FTCD: variants seen among roughly 807,000 people sequenced by gnomAD.
FTCD encodes the protein formimidoyltransferase-cyclodeaminase.
Under a neutral mutation model 62.9 loss-of-function variants are expected in FTCD, and 76 were observed. The observed-to-expected ratio is 1.21, with a 90% CI of 1.00 to 1.46. FTCD has a LOEUF of 1.46. Ranked by LOEUF, FTCD falls within the 40% of genes most tolerant of loss-of-function variation. The probability of loss-of-function intolerance (pLI) is 0.00; values close to 1 mark genes in which losing one functional copy is unlikely to be tolerated. For synonymous variants in FTCD, 397 were observed against 336.9 expected (o/e 1.18, Z -1.95); for missense variants, 845 against 751.3 (o/e 1.12, Z -1.46).
intron 10 of FTCD, 175 bp from the exon 11 acceptor site, chr21:46,139,098 G>C (rs200317309): frequency 1.5e-6 from 1 of 656,708 alleles, no homozygotes; most frequent in Admixed American, 2.2e-5. Flanking sequence ...GCTTGGTGGA[G>C]GAGCAGGGTA....
chr21:46,147,182 G>C (rs2079166779), intron 7 of FTCD, among the ~76,000 whole-genome samples: 2 of 152,120 alleles, frequency 1.3e-5, no homozygotes, highest in South Asian at 4.1e-4. Context: ...GGTCCGACTG[G>C]AGACCCCTGG....
rs752057104 is a variant in FTCD, at chr21:46,137,352, A to T, written c.1444-18T>A. 6.3e-7 allele frequency: 1 copy of T among 1,592,926 alleles called. No homozygotes were observed. Among genetic ancestry groups the T allele is most frequent in the Non-Finnish European group, 8.6e-7 (1 of 1,161,938 alleles). ...GCCGCCACCTGCAAGGACCCCAGGG[A>T]GCCCCTACATGGATCAAGGCTGAGC... On this transcript the variant is annotated intron_variant, in intron 12 of 13. Coordinates refer to ENST00000397746, the MANE Select transcript of FTCD (RefSeq NM_206965.2).
At position 46,136,924 on chromosome 21, in the gene FTCD, A is replaced by G. The variant is rs751305551; in HGVS notation, c.*63T>C. 13 of 1,610,390 alleles carry G rather than the reference A, an allele frequency of 8.1e-6. No homozygotes were observed. The African/African-American group carries it at 1.5e-4, about 18-fold the overall frequency. ...CAAGCTGTGTCCCCACCGAGGTCACAGCTCTGCCCTCTGGGGATGGGCGAG... is the reference window on the plus strand; with the variant it reads ...CAAGCTGTGTCCCCACCGAGGTCACGGCTCTGCCCTCTGGGGATGGGCGAG... On this transcript the variant is annotated 3_prime_UTR_variant, in exon 14 of 14. Transcript: ENST00000397746.
rs1176926831 is a variant in FTCD, at chr21:46,145,831, G to A, written c.1085C>T (p.Ala362Val). ...CCCCGCGCTCACCATGGCCGCAGCG[G>A]CCGCCGCCACCGAGCCGCCCCCGGG... ...AAPGGGSVAA[A>V]AAAMGAALGS... The change falls in exon 9 of 14, where the codon GCC becomes GTC. Residue 362 changes from alanine (A) to valine (V), a missense_variant. Coordinates refer to ENST00000397746, the MANE Select transcript of FTCD (RefSeq NM_206965.2). 4 of 889,132 alleles carry A rather than the reference G, an allele frequency of 4.5e-6. No homozygotes were observed. The highest frequency in any genetic ancestry group is 3.0e-4 in the East Asian group (2 of 6,708). 55.1% of individuals were successfully genotyped at this position (889,132 alleles called of 1,614,324 possible).
rs557272880 is a variant in FTCD at position 46,141,509 on chromosome 21, C to T, written c.1261-2586G>A. On this transcript the variant is annotated intron_variant, in intron 10 of 13. Coordinates refer to ENST00000397746, the MANE Select transcript of FTCD (RefSeq NM_206965.2). Reference sequence around the variant, plus strand: ...CAAATGCCTGTCCGGGTCTAAAGTTCATCAACCCATTAAAGTATAGAAAAG... The same window carrying T: ...CAAATGCCTGTCCGGGTCTAAAGTTTATCAACCCATTAAAGTATAGAAAAG... Among the ~76,000 whole-genome samples the T allele has an allele frequency of 1.1e-3, 163 of 152,200 alleles. 1 individual carries two copies. The highest frequency in any genetic ancestry group is 3.7e-3 in the African/African-American group (154 of 41,520).
chr21:46,142,304 T>G (rs184443888), intron 10 of FTCD: 1 of 150,354 alleles, frequency 6.7e-6, no homozygotes, highest in African/African-American at 2.5e-5. Flanking sequence ...CGTCGGGAGC[T>G]GTTTCTTCCT....
intron 10 of FTCD, among the ~76,000 whole-genome samples, chr21:46,139,691 A>C (rs1434999493): frequency 6.6e-6 from 1 of 152,232 alleles, no homozygotes; most frequent in African/African-American, 2.4e-5. Context: ...TCCTTTGACC[A>C]TTCCGACAGC....
intron 7 of FTCD, among the ~76,000 whole-genome samples, chr21:46,147,377 G>T (rs1158215642): frequency 6.6e-6 from 1 of 152,114 alleles, no homozygotes. Flanking sequence ...TCACTCTTGT[G>T]TGGTTCCAGA....
intron 10 of FTCD, among the ~76,000 whole-genome samples, chr21:46,139,565 T>C (rs927957904): frequency 2.6e-5 from 4 of 152,200 alleles, no homozygotes; most frequent in African/African-American, 9.6e-5. Flanking sequence ...GTGGGGAATA[T>C]GCTCACTTCA....
At position 46,145,634 on chromosome 21, in the gene FTCD, C is replaced by T. The variant is rs971562351; in HGVS notation, c.1099-56G>A. ...GGACCCCAGACGGCCCGGGACCGAC[C>T]CCAGGAAGAGCCAGGGGCCCGGGTG... On this transcript the variant is annotated intron_variant, in intron 9 of 13. Coordinates refer to ENST00000397746, the MANE Select transcript of FTCD (RefSeq NM_206965.2). 26 of 1,417,390 alleles carry T rather than the reference C, an allele frequency of 1.8e-5. No homozygotes were observed. In the African/African-American group the frequency reaches 2.9e-4, roughly 16 times the overall value. 87.8% of individuals were successfully genotyped at this position (1,417,390 alleles called of 1,614,324 possible). A position where few individuals can be genotyped will look rare whatever the true frequency, so the allele number is the denominator to read the frequency against.
chr21:46,138,815 C>T (rs981784014), intron 11 of FTCD, 65 bp downstream of exon 11: 3 of 1,486,794 alleles, frequency 2.0e-6, no homozygotes, highest in Non-Finnish European at 2.8e-6. Context: ...CCCAGGTACT[C>T]GGGATCCTGG....
rs756372120 is a variant in FTCD, at chr21:46,138,500, C to G, written c.1443+8G>C. On this transcript the variant is annotated splice_region_variant and intron_variant, in intron 12 of 13. Transcript: ENST00000397746. Reference sequence around the variant, plus strand: ...GCAGGAGGCCTGGGGTCCCCCGGGCCCCCCTACCTGGAGGTCTGACCGGCA... The same window carrying G: ...GCAGGAGGCCTGGGGTCCCCCGGGCGCCCCTACCTGGAGGTCTGACCGGCA... 1.3e-6 allele frequency: 2 copies of G among 1,579,186 alleles called. No homozygotes were observed. Among genetic ancestry groups the G allele is most frequent in the South Asian group, 1.2e-5 (1 of 86,672 alleles).
At chr21:46,151,307 G>C (rs80106597) in intron 5 of FTCD, among the ~76,000 whole-genome samples, 2,004 of 152,336 alleles carry the variant, frequency 0.013, 39 homozygotes, top group African/African-American at 0.046. Flanking sequence ...TTAACAAAGG[G>C]AAGTCCTGCC....
Position 46,145,900 on chromosome 21 carries a change from G to T in FTCD, c.1016C>A (p.Ser339Tyr), listed in dbSNP as rs775567630. Reference protein sequence around the residue: ...RGPERGLGSKSLRAFVGEVGA... With the variant: ...RGPERGLGSKYLRAFVGEVGA... ...CACCTCCCCCACGAAGGCGCGCAGG[G>T]ACTTGCTGCCCAGGCCTCGCTCAGG... The change falls in exon 9 of 14, where the codon TCC becomes TAC. Residue 339 changes from serine to tyrosine, a missense_variant. Coordinates refer to ENST00000397746, the MANE Select transcript of FTCD (RefSeq NM_206965.2). The T allele has an allele frequency of 1.1e-4, 170 of 1,495,228 alleles. No individual in the cohort carries two copies. Among genetic ancestry groups the T allele is most frequent in the Non-Finnish European group, 1.2e-4 (132 of 1,130,008 alleles). 92.6% of individuals were successfully genotyped at this position (1,495,228 alleles called of 1,614,324 possible).
intron 1 of FTCD, among the ~76,000 whole-genome samples, chr21:46,154,836 A>T (rs1366012193): frequency 6.6e-6 from 1 of 152,210 alleles, no homozygotes; most frequent in Non-Finnish European, 1.5e-5. Context: ...TCCCGGCATG[A>T]CGAGGCCTCC....
In FTCD at chr21:46,138,629, T is replaced by C. The variant is rs1209042334; in HGVS notation, c.1322A>G (p.Gln441Arg). The C allele has an allele frequency of 6.9e-6, 11 of 1,594,696 alleles. No homozygotes were observed. The highest frequency in any genetic ancestry group is 2.2e-5 in the East Asian group (1 of 44,706). ...EEKDRRTAAL[Q>R]EGLRRAVSVP... is the part of the protein sequence containing the mutation. ...AGAGACTGCCCGCCTCAGACCCTCCTGTAGGGCCGCCGTGCGCCTGAAAGG... is the reference window on the plus strand; with the variant it reads ...AGAGACTGCCCGCCTCAGACCCTCCCGTAGGGCCGCCGTGCGCCTGAAAGG... The change falls in exon 12 of 14, where the codon CAG (glutamine) becomes CGG (arginine). Residue 441 changes from glutamine (Q) to arginine (R), a missense_variant. Coordinates refer to ENST00000397746, the MANE Select transcript of FTCD (RefSeq NM_206965.2).
chr21:46,141,748 C>T (rs2079012290), intron 10 of FTCD, among the ~76,000 whole-genome samples: 1 of 151,970 alleles, frequency 6.6e-6, no homozygotes, highest in Non-Finnish European at 1.5e-5. Context: ...GCAGCGAAAG[C>T]CCCAAGAGAA....
chr21:46,148,247 C>T (rs926293235), intron 7 of FTCD, among the ~76,000 whole-genome samples: 3 of 152,196 alleles, frequency 2.0e-5, no homozygotes, highest in East Asian at 1.9e-4. Context: ...GACGGGTCCA[C>T]GTCGGCACCC....
chr21:46,141,040 C>T (rs971807458), intron 10 of FTCD, among the ~76,000 whole-genome samples: 2 of 152,220 alleles, frequency 1.3e-5, no homozygotes, highest in Non-Finnish European at 2.9e-5. Context: ...TCCTTCCTGT[C>T]CCTTGATTAC....
Sources: allele counts gnomAD v4.1 joint callset (sites outside exome capture counted in the v4.1 genomes callset), GRCh38; gene constraint gnomAD v4.1.1; transcripts MANE v1.5; gene names NCBI Gene and HGNC (gene_info 2026-07-23, HGNC 2026-07-21).